SCTR: variants seen among roughly 807,000 people sequenced by gnomAD.
SCTR encodes pancreatic secretin receptor.
Under a neutral mutation model 60.8 loss-of-function variants are expected in SCTR, and 56 were observed. That is an observed-to-expected ratio of 0.92 (90% CI 0.74 to 1.15). The LOEUF (loss-of-function observed/expected upper bound fraction) is 1.15, where lower values mean the gene tolerates loss of function less well. Among genes scored for constraint, SCTR ranks in the 50% most tolerant of loss-of-function variants. The pLI, the probability that SCTR is intolerant of heterozygous loss-of-function variation, is 0.00. For synonymous variants in SCTR, 202 were observed against 217.0 expected (o/e 0.93, Z 0.61); for missense variants, 562 against 550.4 (o/e 1.02, Z -0.21).
At chr2:119,464,777 G>A (rs1329393223) in intron 5 of SCTR, among the ~76,000 whole-genome samples, 1 of 152,098 alleles carries the variant, frequency 6.6e-6, no homozygotes, top group Admixed American at 6.6e-5. Flanking sequence ...ATTGTATTCT[G>A]CCCTGACCTA....
intron 1 of SCTR, among the ~76,000 whole-genome samples, chr2:119,521,458 G>C (rs1258199532): frequency 6.6e-6 from 1 of 152,122 alleles, no homozygotes; most frequent in Non-Finnish European, 1.5e-5. Context: ...ATTGGGGTTT[G>C]GGGGACAGAT....
intron 11 of SCTR, among the ~76,000 whole-genome samples, chr2:119,442,619 G>C (rs1682698093): frequency 6.6e-6 from 1 of 152,212 alleles, no homozygotes; most frequent in Non-Finnish European, 1.5e-5. Context: ...AAGCTGGAAG[G>C]GTTTGCTTTA....
In SCTR at chr2:119,441,544, C is replaced by G; in HGVS notation, c.1182+14G>C. On this transcript the variant is annotated intron_variant, in intron 12 of 12. Coordinates refer to ENST00000019103, the MANE Select transcript of SCTR (RefSeq NM_002980.3). Reference sequence around the variant, plus strand: ...GAGCTCTCCTGGGTACCTGGGTGACCCAAGACTACTCACCTCCCCATTGAG... The same window carrying G: ...GAGCTCTCCTGGGTACCTGGGTGACGCAAGACTACTCACCTCCCCATTGAG... 6.2e-7 allele frequency: 1 copy of G among 1,608,498 alleles called. No homozygotes were observed. Among genetic ancestry groups the G allele is most frequent in the South Asian group, 1.1e-5 (1 of 90,324 alleles).
chr2:119,439,971 G>A lies in SCTR; in HGVS notation c.*146C>T, dbSNP rs935143820. Reference sequence around the variant, plus strand: ...GCCCCACAGTGCCTCACATCCCTTCGGAAGAGTCCAAGGCCTGGGGAGGGG... The same window carrying A: ...GCCCCACAGTGCCTCACATCCCTTCAGAAGAGTCCAAGGCCTGGGGAGGGG... On this transcript the variant is annotated 3_prime_UTR_variant, in exon 13 of 13. Transcript: ENST00000019103. 7.4e-6 allele frequency: 6 copies of A among 815,332 alleles called. No homozygotes were observed. Among genetic ancestry groups the A allele is most frequent in the South Asian group, 1.9e-5 (1 of 53,942 alleles). The allele number at this position is 815,332 out of a possible 1,614,324, so 50.5% of individuals were successfully genotyped here. A position where few individuals can be genotyped will look rare whatever the true frequency, so the allele number is the denominator to read the frequency against.
intron 1 of SCTR, among the ~76,000 whole-genome samples, chr2:119,503,077 T>C (rs1243888289): frequency 7.1e-6 from 1 of 141,556 alleles, no homozygotes; most frequent in African/African-American, 2.6e-5. Flanking sequence ...GAGAATGGTG[T>C]GAACCTGGGA....
chr2:119,443,695 C>CA (rs1391100344), intron 11 of SCTR, among the ~76,000 whole-genome samples: 1 of 152,154 alleles, frequency 6.6e-6, no homozygotes, highest in African/African-American at 2.4e-5. Flanking sequence ...TACAGGCACA[C>CA]ACCACCATGC....
Position 119,446,826 on chromosome 2 carries a change from AAGACGAT to A in SCTR, c.1066_1072del (p.Ile356SerfsTer17). 6.3e-7 allele frequency: 1 copy of A among 1,583,250 alleles called. No individual in the cohort carries two copies. The highest frequency in any genetic ancestry group is 8.6e-7 in the Non-Finnish European group (1 of 1,163,822). ...CATAGCGTCCTCTGGGGAGAAGGCG[AAGACGAT>A]GTAGTGGATGCCAAAGAGGGGGATC... On this transcript the variant is annotated frameshift_variant, in exon 11 of 13. Transcript: ENST00000019103. LOFTEE classifies it high-confidence loss of function.
Position 119,452,055 on chromosome 2 carries a change from T to A in SCTR, c.876A>T (p.Ala292=), listed in dbSNP as rs780096518. 1.2e-5 allele frequency: 20 copies of A among 1,609,012 alleles called. No homozygotes were observed. Among genetic ancestry groups the A allele is most frequent in the East Asian group, 2.2e-5 (1 of 44,824 alleles). Residue 292 remains alanine (A), a synonymous_variant, in exon 9 of 13, where the codon GCA becomes GCT. Transcript: ENST00000019103. The part of the protein sequence containing the change: ...DVGCWDINAN[A]SIWWIIRGPV... The stretch of plus-strand genomic sequence containing the variant: ...GACCACGAATGATCCACCAGATGGA[T>A]GCGTTGGCATTGATGTCCCAGCACC...
At position 119,473,943 on chromosome 2, in the gene SCTR, C is replaced by A. The variant is rs557124629; in HGVS notation, c.302-387G>T. Among the ~76,000 whole-genome samples the A allele has an allele frequency of 3.3e-5, 5 of 152,306 alleles. No individual in the cohort carries two copies. In the East Asian group the frequency reaches 5.8e-4, roughly 18 times the overall value. On this transcript the variant is annotated intron_variant, in intron 3 of 12. Coordinates refer to ENST00000019103, the MANE Select transcript of SCTR (RefSeq NM_002980.3). ...GCTCCCATTTTTACTCATCCTGCTC[C>A]ATGGAAGTTCTGTTTTAAATGGAAC...
intron 1 of SCTR, among the ~76,000 whole-genome samples, chr2:119,495,969 AT>A (rs1322369226): frequency 1.3e-5 from 2 of 152,216 alleles, no homozygotes; most frequent in Non-Finnish European, 2.9e-5. Context: ...GTTGTTTGTC[AT>A]TTAGACTCTT....
At chr2:119,448,638 T>C (rs1558835261) in intron 10 of SCTR, 51 bp downstream of exon 10, 2 of 990,504 alleles carry the variant, frequency 2.0e-6, no homozygotes, top group East Asian at 4.8e-5. Context: ...CAGTAGGTGC[T>C]CAGTAAATGC....
At chr2:119,480,274 G>A (rs1278660461) in intron 2 of SCTR, among the ~76,000 whole-genome samples, 6 of 152,188 alleles carry the variant, frequency 3.9e-5, no homozygotes, top group African/African-American at 1.4e-4. Flanking sequence ...GTTTCACATA[G>A]CTGAGAGGTC....
chr2:119,448,837 T>TCCTGGC, intron 9 of SCTR, 57 bp from the exon 10 acceptor site: 6 of 942,412 alleles, frequency 6.4e-6, no homozygotes, highest in South Asian at 5.5e-5. Flanking sequence ...CAGCCACCTC[T>TCCTGGC]CCTGGCCCTG....
intron 1 of SCTR, among the ~76,000 whole-genome samples, chr2:119,507,164 C>T (rs570841311): frequency 2.6e-5 from 4 of 152,096 alleles, no homozygotes; most frequent in Admixed American, 2.0e-4. Flanking sequence ...ATGTTGAGTC[C>T]ATTTAACAGG....
chr2:119,479,260 T>G, intron 2 of SCTR: 1 of 1,042,052 alleles, frequency 9.6e-7, no homozygotes, highest in Non-Finnish European at 1.2e-6. Context: ...GCCAATCAGT[T>G]TGCATTAAAC....
chr2:119,454,680 C>G (rs1683304121), intron 7 of SCTR, among the ~76,000 whole-genome samples: 1 of 152,018 alleles, frequency 6.6e-6, no homozygotes, highest in South Asian at 2.1e-4. Context: ...ATGGCAAAAC[C>G]CTGTCTCTAT....
chr2:119,444,191 A>G (rs923169591), intron 11 of SCTR, among the ~76,000 whole-genome samples: 7 of 145,776 alleles, frequency 4.8e-5, no homozygotes, highest in African/African-American at 1.8e-4. Context: ...ATATGAATAT[A>G]TACACATATG....
intron 7 of SCTR, 136 bp downstream of exon 7, chr2:119,461,711 C>CAAA (rs539293803): frequency 3.6e-4 from 107 of 294,304 alleles, no homozygotes; most frequent in Middle Eastern, 1.5e-3. Context: ...AACTCCAACT[C>CAAA]AAAAAAAAAA....
chr2:119,523,991 A>AGG (rs1364626985), intron 1 of SCTR, among the ~76,000 whole-genome samples, 164 bp downstream of exon 1: 1 of 152,128 alleles, frequency 6.6e-6, no homozygotes, highest in Non-Finnish European at 1.5e-5. Context: ...CCTCCGGAGA[A>AGG]GAGCTGGGAG....
Sources: gnomAD v4.1 joint callset for allele counts (sites outside exome capture counted in the v4.1 genomes callset) on GRCh38, gnomAD v4.1.1 for gene constraint, MANE v1.5 for transcripts, NCBI Gene and HGNC (gene_info 2026-07-23, HGNC 2026-07-21) for gene names.